DAAM2: variants seen among roughly 807,000 people sequenced by gnomAD.
DAAM2 encodes dishevelled associated activator of morphogenesis 2.
A neutral mutation model predicts 120.7 loss-of-function variants in DAAM2; 39 were observed. The ratio of observed to expected loss-of-function variants is 0.32; its 90% confidence interval spans 0.25 to 0.42. The LOEUF is 0.42. Ranked by LOEUF, DAAM2 falls within the 10% of genes least tolerant of loss-of-function variation. DAAM2 has a pLI of 1.00. For synonymous variants in DAAM2, 488 were observed against 524.9 expected, an observed-to-expected ratio of 0.93 and a Z score of 0.96; for missense variants, 1,283 against 1,401.7, an observed-to-expected ratio of 0.92 and a Z score of 1.35.
chr6:39,892,528 T>C (rs867940589), intron 19 of DAAM2, among the ~76,000 whole-genome samples: 1 of 150,716 alleles, frequency 6.6e-6, no homozygotes, highest in African/African-American at 2.4e-5. Flanking sequence ...GGGCGTGGAG[T>C]TGTTGGGAGA....
Position 39,817,835 on chromosome 6 carries a change from C to A in DAAM2, c.-57+25370C>A, listed in dbSNP as rs551259917. On this transcript the variant is annotated intron_variant, in intron 1 of 24. Transcript: ENST00000274867. ...GCCTACCCACATTATGGAGGGTAAT[C>A]TGCTTTACTCAGAGTCTACTGATTT... Among the ~76,000 whole-genome samples the A allele has an allele frequency of 7.8e-4, 118 of 152,204 alleles. 1 individual carries two copies. Among genetic ancestry groups the A allele is most frequent in the African/African-American group, 2.6e-3 (109 of 41,520 alleles).
intron 1 of DAAM2, among the ~76,000 whole-genome samples, chr6:39,835,620 A>C (rs1335319028): frequency 6.6e-6 from 1 of 152,224 alleles, no homozygotes; most frequent in Non-Finnish European, 1.5e-5. Flanking sequence ...GAACAAACAT[A>C]TGGAGGAAGG....
At chr6:39,855,974 C>T in intron 1 of DAAM2, 1 of 946,768 alleles carries the variant, frequency 1.1e-6, no homozygotes, top group African/African-American at 1.8e-5. Flanking sequence ...TTGTCCTTCT[C>T]TGAGGGCAAG....
In DAAM2 at chr6:39,901,548, G is replaced by T; in HGVS notation, c.2982+76G>T. 1 of 1,476,110 alleles carries T rather than the reference G, an allele frequency of 6.8e-7. No homozygotes were observed. The allele number at this position is 1,476,110 out of a possible 1,614,324, so 91.4% of individuals were successfully genotyped here. A position where few individuals can be genotyped will look rare whatever the true frequency, so the allele number is the denominator to read the frequency against. On this transcript the variant is annotated intron_variant, in intron 24 of 24. Coordinates refer to ENST00000274867, the MANE Select transcript of DAAM2 (RefSeq NM_001201427.2). This position sits in a 1 kb window ranked among gnomAD's most constrained non-coding sequence, Gnocchi z 4.5. ...GGAGAACACCCCCAAACTGGGGTGT[G>T]TGGGAGGAGGGCAGAGACTGAGGAA...
chr6:39,879,693 C>G (rs1765039402), intron 14 of DAAM2: 1 of 631,350 alleles, frequency 1.6e-6, no homozygotes, highest in African/African-American at 1.8e-5. Context: ...TTGGGCAATG[C>G]TGACGTTGAC....
chr6:39,805,971 C>T (rs1345396475), intron 1 of DAAM2, among the ~76,000 whole-genome samples: 1 of 152,176 alleles, frequency 6.6e-6, no homozygotes, highest in Non-Finnish European at 1.5e-5. Context: ...CCTTAAGAAA[C>T]ATAAATCAAA....
chr6:39,841,827 A>G (rs550729057), intron 1 of DAAM2, among the ~76,000 whole-genome samples: 18 of 152,278 alleles, frequency 1.2e-4, no homozygotes, highest in South Asian at 8.3e-4. Context: ...CAGCTTCTGT[A>G]GCCTGAAGTC....
chr6:39,899,001 C>A, intron 22 of DAAM2, 64 bp downstream of exon 22: 1 of 1,366,954 alleles, frequency 7.3e-7, no homozygotes, highest in Non-Finnish European at 1.0e-6. Flanking sequence ...TTCGTCACTG[C>A]ACCCTAAGCT....
intron 1 of DAAM2, among the ~76,000 whole-genome samples, chr6:39,813,950 TG>T (rs1561999104): frequency 6.6e-6 from 1 of 152,150 alleles, no homozygotes; most frequent in African/African-American, 2.4e-5. Context: ...AAAAGGGTCA[TG>T]GCCACTGTTT....
At chr6:39,844,983 CACACACACT>C (rs145731012) in intron 1 of DAAM2, among the ~76,000 whole-genome samples, 1,858 of 148,354 alleles carry the variant, frequency 0.013, 20 homozygotes, top group East Asian at 0.062. Flanking sequence ...CAAACCCCAT[CACACACACT>C]ACACACACCA....
At chr6:39,818,203 A>C (rs1168122856) in intron 1 of DAAM2, among the ~76,000 whole-genome samples, 1 of 148,412 alleles carries the variant, frequency 6.7e-6, no homozygotes, top group South Asian at 2.1e-4. Context: ...AAAAAAAAAA[A>C]AAACTTCACA....
intron 19 of DAAM2, among the ~76,000 whole-genome samples, chr6:39,894,259 AT>A (rs1317608631): frequency 1.3e-5 from 2 of 152,208 alleles, no homozygotes; most frequent in Non-Finnish European, 2.9e-5. Flanking sequence ...TTTTGCCAAC[AT>A]TTTAGCATTT....
chr6:39,901,284 T>C lies in DAAM2; in HGVS notation c.2812-18T>C, dbSNP rs1347734237. The C allele has an allele frequency of 1.9e-6, 3 of 1,608,712 alleles. No homozygotes were observed. The highest frequency in any genetic ancestry group is 2.5e-6 in the Non-Finnish European group (3 of 1,176,818). On this transcript the variant is annotated intron_variant, in intron 23 of 24. Coordinates refer to ENST00000274867, the MANE Select transcript of DAAM2 (RefSeq NM_001201427.2). This position sits in a 1 kb window ranked among gnomAD's most constrained non-coding sequence, Gnocchi z 4.5. Reference sequence around the variant, plus strand: ...GCTCCAGGGCACTCTCCACCAATCCTGTTCTGTCCCTTGACAGTTCGCCAA... The same window carrying C: ...GCTCCAGGGCACTCTCCACCAATCCCGTTCTGTCCCTTGACAGTTCGCCAA...
At chr6:39,844,085 T>C (rs978821991) in intron 1 of DAAM2, among the ~76,000 whole-genome samples, 1 of 152,216 alleles carries the variant, frequency 6.6e-6, no homozygotes, top group Non-Finnish European at 1.5e-5. Flanking sequence ...TTTTGCAGGA[T>C]GCTAGCATAC....
chr6:39,799,746 T>C (rs1174185181), intron 1 of DAAM2, among the ~76,000 whole-genome samples: 1 of 152,240 alleles, frequency 6.6e-6, no homozygotes, highest in Non-Finnish European at 1.5e-5. Context: ...ATGAAGGTAA[T>C]TCTTTCTTGC....
intron 1 of DAAM2, among the ~76,000 whole-genome samples, chr6:39,844,408 A>T (rs1369172422): frequency 1.3e-5 from 2 of 151,886 alleles, no homozygotes; most frequent in Non-Finnish European, 2.9e-5. Context: ...CCCAGAGCTA[A>T]ATCGAAGCTG....
intron 1 of DAAM2, among the ~76,000 whole-genome samples, chr6:39,835,268 G>T (rs1763060433): frequency 6.6e-6 from 1 of 152,226 alleles, no homozygotes; most frequent in Non-Finnish European, 1.5e-5. Flanking sequence ...TCTAAAGTCT[G>T]CAGGGTGGAG....
chr6:39,809,654 G>A (rs1049348791), intron 1 of DAAM2, among the ~76,000 whole-genome samples: 1 of 152,068 alleles, frequency 6.6e-6, no homozygotes. Flanking sequence ...GAGAAGCACT[G>A]CAGTAAAAAA....
intron 16 of DAAM2, 154 bp from the exon 17 acceptor site, chr6:39,888,525 G>C (rs1765507702): frequency 3.5e-6 from 2 of 575,422 alleles, no homozygotes; most frequent in Admixed American, 5.9e-5. Context: ...AATCATACTA[G>C]TCTAATCTAA....
Sources: gnomAD v4.1 joint callset for allele counts (sites outside exome capture counted in the v4.1 genomes callset) on GRCh38, gnomAD v4.1.1 for gene constraint, Gnocchi (gnomAD v3.1) non-coding constraint, MANE v1.5 for transcripts, NCBI Gene and HGNC (gene_info 2026-07-23, HGNC 2026-07-21) for gene names.